Variants in KALRN observed in about 807,000 individuals in gnomAD.
KALRN encodes kalirin.
KALRN carries 70 observed loss-of-function variants against 353.7 expected under a neutral mutation model. That is an observed-to-expected ratio of 0.20 (90% CI 0.16 to 0.24). The LOEUF (loss-of-function observed/expected upper bound fraction) is 0.24. Among genes scored for constraint, KALRN ranks in the 10% least tolerant of loss-of-function variants. The pLI, the probability that KALRN is intolerant of heterozygous loss-of-function variation, is 1.00. For synonymous variants in KALRN, 1,391 were observed against 1,434.8 expected (o/e 0.97, Z 0.69); for missense variants, 2,791 against 3,756.7 (o/e 0.74, Z 6.72).
At position 124,184,713 on chromosome 3, in the gene KALRN, G is replaced by A. The variant is rs190887028; in HGVS notation, c.74-43277G>A. Among the ~76,000 whole-genome samples the A allele has an allele frequency of 2.4e-3, 371 of 152,086 alleles. 1 individual carries two copies. Among genetic ancestry groups the A allele is most frequent in the Middle Eastern group, 0.01 (3 of 292 alleles). On this transcript the variant is annotated intron_variant, in intron 1 of 59. Coordinates refer to ENST00000682506, the MANE Select transcript of KALRN (RefSeq NM_001388419.1). Reference sequence around the variant, plus strand: ...ATTCCGGTTCTTTTATTCATTTACCGCAATAGACCAGAGATACCCAGAAGG... The same window carrying A: ...ATTCCGGTTCTTTTATTCATTTACCACAATAGACCAGAGATACCCAGAAGG...
chr3:124,172,707 T>C (rs1358559599), intron 1 of KALRN, among the ~76,000 whole-genome samples: 1 of 151,952 alleles, frequency 6.6e-6, no homozygotes, highest in Non-Finnish European at 1.5e-5. Context: ...CAGTAAAGGG[T>C]GGCTTTGTGA....
chr3:124,419,175 C>T (rs1219373776), intron 14 of KALRN, among the ~76,000 whole-genome samples: 3 of 151,454 alleles, frequency 2.0e-5, no homozygotes, highest in African/African-American at 7.3e-5. Flanking sequence ...ATACAGTAGG[C>T]GAGTACATAA....
chr3:124,500,951 A>G (rs1213780971), intron 33 of KALRN, among the ~76,000 whole-genome samples: 1 of 148,826 alleles, frequency 6.7e-6, no homozygotes, highest in Non-Finnish European at 1.5e-5. Context: ...ACAGCCAAAT[A>G]TCTTCTTGTT....
chr3:124,616,762 G>A (rs1377532973), intron 34 of KALRN, among the ~76,000 whole-genome samples: 4 of 152,040 alleles, frequency 2.6e-5, no homozygotes, highest in Non-Finnish European at 5.9e-5. Context: ...TCAGGAGATC[G>A]AGACCATCCT....
intron 33 of KALRN, among the ~76,000 whole-genome samples, chr3:124,536,196 C>CT (rs34435871): frequency 0.32 from 32,247 of 99,334 alleles, 6,530 homozygotes; most frequent in South Asian, 0.37. Flanking sequence ...CATCCATACT[C>CT]TTTTTTTTTT....
At chr3:124,695,262 T>C (rs1475388666) in intron 53 of KALRN, among the ~76,000 whole-genome samples, 1 of 152,156 alleles carries the variant, frequency 6.6e-6, no homozygotes, top group Non-Finnish European at 1.5e-5. Flanking sequence ...TAACTATGAA[T>C]TGGACTGTGT....
intron 1 of KALRN, among the ~76,000 whole-genome samples, chr3:124,120,711 AATAT>A (rs368470724): frequency 0.049 from 4,794 of 98,766 alleles, 104 homozygotes; most frequent in Non-Finnish European, 0.058. Flanking sequence ...GAATACTAAA[AATAT>A]ATATATATAT....
Position 124,292,748 on chromosome 3 carries a change from G to GT in KALRN, c.970-6037dup, listed in dbSNP as rs1017248302. 6.6e-5 allele frequency among the ~76,000 whole-genome samples: 10 copies of GT among 152,284 alleles called. No individual in the cohort carries two copies. The South Asian group carries it at 1.7e-3, about 25-fold the overall frequency. ...AATCTTAAATTCATACCTTTCATCT[G>GT]TTTTTTACTATAATGAAAACATTTA... On this transcript the variant is annotated intron_variant, in intron 5 of 59. Coordinates refer to ENST00000682506, the MANE Select transcript of KALRN (RefSeq NM_001388419.1).
chr3:124,641,022 C>T (rs1238823453), intron 37 of KALRN, among the ~76,000 whole-genome samples: 1 of 152,142 alleles, frequency 6.6e-6, no homozygotes, highest in Non-Finnish European at 1.5e-5. Context: ...ATTCGTTTGG[C>T]TCCCTGGCTC....
At chr3:124,577,428 G>A (rs527938444) in intron 34 of KALRN, among the ~76,000 whole-genome samples, 1 of 152,254 alleles carries the variant, frequency 6.6e-6, no homozygotes, top group South Asian at 2.1e-4. Context: ...TACCCACAGG[G>A]CCAGCAGTGG....
intron 34 of KALRN, among the ~76,000 whole-genome samples, chr3:124,573,699 G>A (rs542974310): frequency 2.6e-5 from 4 of 152,148 alleles, no homozygotes; most frequent in Admixed American, 2.0e-4. Context: ...ACAACCTCCT[G>A]TCTGCACTGG....
intron 1 of KALRN, among the ~76,000 whole-genome samples, chr3:124,135,428 G>A (rs72972643): frequency 0.04 from 6,083 of 152,168 alleles, 414 homozygotes; most frequent in African/African-American, 0.13. Flanking sequence ...GGTGCAGGGT[G>A]TACTGCTTGG....
intron 1 of KALRN, among the ~76,000 whole-genome samples, chr3:124,205,333 A>G (rs2076321459): frequency 6.6e-6 from 1 of 152,248 alleles, no homozygotes; most frequent in South Asian, 2.1e-4. Context: ...CACCAGGTGT[A>G]GATAACTGTT....
chr3:124,556,818 C>T (rs1479371808), intron 33 of KALRN, among the ~76,000 whole-genome samples: 2 of 152,170 alleles, frequency 1.3e-5, no homozygotes, highest in Non-Finnish European at 2.9e-5. Context: ...CAGAGTGCAC[C>T]ACCCAACAAT....
At chr3:124,297,899 C>G (rs1412807736) in intron 5 of KALRN, among the ~76,000 whole-genome samples, 1 of 152,220 alleles carries the variant, frequency 6.6e-6, no homozygotes, top group East Asian at 1.9e-4. Context: ...GAGGTCAGAG[C>G]CACATACAAC....
At chr3:124,291,422 C>T (rs1296702972) in intron 5 of KALRN, among the ~76,000 whole-genome samples, 2 of 152,070 alleles carry the variant, frequency 1.3e-5, no homozygotes, top group African/African-American at 4.8e-5. Flanking sequence ...AACATGTTGG[C>T]ACATACCATC....
At chr3:124,454,978 G>T (rs1266702853) in intron 21 of KALRN, among the ~76,000 whole-genome samples, 199 bp from the exon 22 acceptor site, 4 of 152,098 alleles carry the variant, frequency 2.6e-5, no homozygotes, top group African/African-American at 4.8e-5. Context: ...TTTCCTTTTT[G>T]CAGATGAAGA....
At chr3:124,291,771 T>TC (rs1227571937) in intron 5 of KALRN, among the ~76,000 whole-genome samples, 2 of 152,194 alleles carry the variant, frequency 1.3e-5, no homozygotes, top group Non-Finnish European at 1.5e-5. Context: ...GGCTGTGCTG[T>TC]CCTTCCTTGA....
At chr3:124,643,829 G>C (rs1022421210) in intron 37 of KALRN, among the ~76,000 whole-genome samples, 1 of 152,096 alleles carries the variant, frequency 6.6e-6, no homozygotes. Context: ...GATGTTATGA[G>C]ATACCCATAG....
Sources: allele counts gnomAD v4.1 joint callset (sites outside exome capture counted in the v4.1 genomes callset), GRCh38; gene constraint gnomAD v4.1.1; transcripts MANE v1.5; gene names NCBI Gene and HGNC (gene_info 2026-07-23, HGNC 2026-07-21).